The following CNDP2 variants were observed in gnomAD, a reference collection of about 807,000 sequenced individuals.
The protein encoded by CNDP2 is cytosolic non-specific dipeptidase.
CNDP2 carries 38 observed loss-of-function variants against 55.0 expected under a neutral mutation model. That is an observed-to-expected ratio of 0.69 (90% CI 0.53 to 0.90). CNDP2 has a LOEUF of 0.90. Among genes scored for constraint, CNDP2 ranks in the 40% least tolerant of loss-of-function variants. CNDP2 has a pLI of 0.00. For missense variants in CNDP2, 607 were observed against 621.7 expected, an observed-to-expected ratio of 0.98 and a Z score of 0.25; for synonymous variants, 241 against 260.2, an observed-to-expected ratio of 0.93 and a Z score of 0.71.
chr18:74,513,285 C>T (rs1464496727), intron 7 of CNDP2, among the ~76,000 whole-genome samples: 1 of 152,258 alleles, frequency 6.6e-6, no homozygotes, highest in Non-Finnish European at 1.5e-5. Flanking sequence ...TGGGAATGCC[C>T]AAGCTGCTGC....
At chr18:74,516,120 C>T in intron 8 of CNDP2, 108 bp from the exon 9 acceptor site, 3 of 1,255,542 alleles carry the variant, frequency 2.4e-6, no homozygotes, top group Non-Finnish European at 3.3e-6. Flanking sequence ...TGGGCCAGGC[C>T]CTGTTTCATA....
rs956442832 is a variant in CNDP2, at chr18:74,505,364, C to CGAG, written c.205-483_205-481dup. 3 of 153,746 alleles carry CGAG rather than the reference C, an allele frequency of 2.0e-5. No individual in the cohort carries two copies. The Admixed American group carries it at 2.0e-4, about 10-fold the overall frequency. The allele number at this position is 153,746 out of a possible 1,614,324, so 9.5% of individuals were successfully genotyped here. Reference sequence around the variant, plus strand: ...TTGTAATTCTAGCACTTTGGAAAGCCGAGGTGGGTGGTTTGCCTGAACTCA... The same window carrying CGAG: ...TTGTAATTCTAGCACTTTGGAAAGCCGAGGAGGTGGGTGGTTTGCCTGAACTCA... On this transcript the variant is annotated intron_variant, in intron 3 of 11. Transcript: ENST00000324262.
intron 3 of CNDP2, among the ~76,000 whole-genome samples, chr18:74,505,598 CAAA>C (rs369659489): frequency 2.4e-4 from 30 of 123,202 alleles, no homozygotes; most frequent in East Asian, 9.0e-4. Flanking sequence ...GATTCTGTCT[CAAA>C]AAAAAAAAAA....
At chr18:74,519,483 G>A (rs866351945) in intron 11 of CNDP2, among the ~76,000 whole-genome samples, 1 of 152,348 alleles carries the variant, frequency 6.6e-6, no homozygotes, top group South Asian at 2.1e-4. Flanking sequence ...GGCGGGTGCA[G>A]CCTCTGAGCC....
intron 6 of CNDP2, among the ~76,000 whole-genome samples, chr18:74,511,503 T>C (rs1979350151): frequency 6.6e-6 from 1 of 151,862 alleles, no homozygotes; most frequent in African/African-American, 2.4e-5. Flanking sequence ...GGTCAGGAGT[T>C]TGAAACCAGC....
intron 2 of CNDP2, 27 bp downstream of exon 2, chr18:74,500,060 A>G: frequency 2.5e-6 from 4 of 1,592,762 alleles, no homozygotes; most frequent in Non-Finnish European, 2.6e-6. Context: ...TTTAGGAAAC[A>G]GTAAAATCTG....
At chr18:74,500,887 C>T (rs765560148) in intron 2 of CNDP2, among the ~76,000 whole-genome samples, 8 of 152,170 alleles carry the variant, frequency 5.3e-5, no homozygotes, top group Admixed American at 1.3e-4. Flanking sequence ...CTGTATGCAC[C>T]GGTGGTCAGA....
At chr18:74,516,608 A>G (rs1599071643) in intron 9 of CNDP2, 14 of 510,268 alleles carry the variant, frequency 2.7e-5, no homozygotes, top group East Asian at 2.4e-4. Context: ...AGGCAGGCCA[A>G]AATCTGGCCT....
rs149254186 is a variant in CNDP2 at position 74,506,022 on chromosome 18, C to T, written c.367+11C>T. ...TGGTGGAGCGAGACGGTGAGCGCCG[C>T]GCGCCTATGCGTGCCCAGAGGAAAG... On this transcript the variant is annotated intron_variant, in intron 4 of 11. Transcript: ENST00000324262. 39 of 1,553,534 alleles carry T rather than the reference C, an allele frequency of 2.5e-5. No homozygotes were observed. The highest frequency in any genetic ancestry group is 1.4e-4 in the East Asian group (6 of 43,426).
At position 74,520,357 on chromosome 18, in the gene CNDP2, G is replaced by A. The variant is rs893409117; in HGVS notation, c.*289G>A. On this transcript the variant is annotated 3_prime_UTR_variant, in exon 12 of 12. Coordinates refer to ENST00000324262, the MANE Select transcript of CNDP2 (RefSeq NM_018235.3). ...CAAGGTCCAAAAGCACAAGGTCTGC[G>A]GAAAGTTCTGGTTGTCGGCCGGGCA... The A allele has an allele frequency of 1.8e-5, 7 of 378,854 alleles. No individual in the cohort carries two copies. The highest frequency in any genetic ancestry group is 4.2e-5 in the Admixed American group (1 of 23,578). The allele number at this position is 378,854 out of a possible 1,614,324, so 23.5% of individuals were successfully genotyped here.
chr18:74,520,035 G>A lies in CNDP2; in HGVS notation c.1395G>A (p.Ala465=), dbSNP rs145987468. Reference sequence around the variant, plus strand: ...TAGAGGGAACCAAGATGCTGGCCGCGTACCTGTATGAGGTCTCCCAGCTGA... The same window carrying A: ...TAGAGGGAACCAAGATGCTGGCCGCATACCTGTATGAGGTCTCCCAGCTGA... ...NYIEGTKMLA[A]YLYEVSQLKD The change falls in exon 12 of 12, where the codon GCG becomes GCA. Residue 465 remains alanine (A), a synonymous_variant. Transcript: ENST00000324262. 118 of 1,614,160 alleles carry A rather than the reference G, an allele frequency of 7.3e-5. No individual in the cohort carries two copies. The Middle Eastern group carries it at 1.2e-3, about 16-fold the overall frequency.
rs745705969 is a variant in CNDP2 at position 74,505,826 on chromosome 18, G to T, written c.205-23G>T. The T allele has an allele frequency of 2.5e-6, 4 of 1,612,572 alleles. No homozygotes were observed. The African/African-American group carries it at 4.0e-5, about 16-fold the overall frequency. ...ATTTCTTAAACAAAGGCTGTCCTTG[G>T]TTCCTTTCCTCTCCATGCTCAGCTC... On this transcript the variant is annotated intron_variant, in intron 3 of 11. Coordinates refer to ENST00000324262, the MANE Select transcript of CNDP2 (RefSeq NM_018235.3).
In CNDP2 at chr18:74,512,445, C is replaced by T; in HGVS notation, c.658-3C>T. On this transcript the variant is annotated splice_region_variant and splice_polypyrimidine_tract_variant and intron_variant, in intron 6 of 11. Transcript: ENST00000324262. The stretch of plus-strand genomic sequence containing the variant: ...AGACACAGTGGCCTTTGTTTCCGTG[C>T]AGGTGGAGTGCAGCAACAAAGACCT... 6.2e-7 allele frequency: 1 copy of T among 1,612,662 alleles called. No individual in the cohort carries two copies. Among genetic ancestry groups the T allele is most frequent in the South Asian group, 1.1e-5 (1 of 90,904 alleles).
intron 8 of CNDP2, 128 bp downstream of exon 8, chr18:74,513,847 G>T: frequency 1.1e-6 from 1 of 929,084 alleles, no homozygotes; most frequent in Non-Finnish European, 1.6e-6. Flanking sequence ...CGATGCACAT[G>T]AGTCACTCAG....
chr18:74,511,065 G>T (rs2278158), intron 6 of CNDP2, 52 bp downstream of exon 6: 290,768 of 1,501,194 alleles, frequency 0.19, 29,718 homozygotes, highest in Admixed American at 0.31. Context: ...GAATCTCCCG[G>T]TTCTCCCAAA....
Position 74,501,423 on chromosome 18 carries a change from T to G in CNDP2, c.155T>G (p.Val52Gly). ...ATGATGGAAGTTGCTGCTGCAGATG[T>G]TAAGCAGTTGGGGGGCTCTGTGGAA... ...RRMMEVAAADVKQLGGSVELV... is the reference protein window; with the variant it reads ...RRMMEVAAADGKQLGGSVELV... The change falls in exon 3 of 12, where the codon GTT becomes GGT. Residue 52 changes from valine (V) to glycine (G), a missense_variant. Val to Gly is a moderately radical substitution (Grantham distance 109). Coordinates refer to ENST00000324262, the MANE Select transcript of CNDP2 (RefSeq NM_018235.3). 6.2e-7 allele frequency: 1 copy of G among 1,614,132 alleles called. No individual in the cohort carries two copies. The highest frequency in any genetic ancestry group is 8.5e-7 in the Non-Finnish European group (1 of 1,180,002).
intron 8 of CNDP2, 121 bp from the exon 9 acceptor site, chr18:74,516,107 T>C (rs557430455): frequency 3.8e-4 from 419 of 1,113,606 alleles, no homozygotes; most frequent in Non-Finnish European, 4.7e-4. Flanking sequence ...GTTGTCAGGC[T>C]CCTGGGCCAG....
At chr18:74,517,172 C>G (rs938646820) in intron 9 of CNDP2, 1 of 152,112 alleles carries the variant, frequency 6.6e-6, no homozygotes, top group African/African-American at 2.4e-5. Context: ...CACCCAGGCC[C>G]ACCCTTCTGG....
chr18:74,507,781 T>C (rs1025416271), intron 4 of CNDP2: 1 of 152,346 alleles, frequency 6.6e-6, no homozygotes, highest in African/African-American at 2.4e-5. Context: ...GTGGGAAAAC[T>C]TCACTCACTG....
Sources: gnomAD v4.1 joint callset for allele counts (sites outside exome capture counted in the v4.1 genomes callset) on GRCh38, gnomAD v4.1.1 for gene constraint, MANE v1.5 for transcripts, NCBI Gene and HGNC (gene_info 2026-07-23, HGNC 2026-07-21) for gene names.